PIGL: variants seen among roughly 807,000 people sequenced by gnomAD.
PIGL encodes N-acetylglucosaminyl-phosphatidylinositol de-N-acetylase.
A neutral mutation model predicts 31.1 loss-of-function variants in PIGL; 22 were observed. The ratio of observed to expected loss-of-function variants is 0.71; its 90% CI spans 0.51 to 1.01. The LOEUF is 1.01. Ranked by LOEUF, PIGL falls within the 50% of genes least tolerant of loss-of-function variation. PIGL has a pLI of 0.00. For synonymous variants in PIGL, 131 were observed against 117.4 expected (o/e 1.12, Z -0.75); for missense variants, 302 against 315.9 (o/e 0.96, Z 0.33).
At chr17:16,309,949 G>A (rs2093041840) in intron 3 of PIGL, among the ~76,000 whole-genome samples, 2 of 151,680 alleles carry the variant, frequency 1.3e-5, no homozygotes, top group South Asian at 2.1e-4. Context: ...ATGGTGGCAC[G>A]TACCTGTAGT....
intron 1 of PIGL, among the ~76,000 whole-genome samples, chr17:16,226,736 G>A (rs2092653834): frequency 6.6e-6 from 1 of 152,146 alleles, no homozygotes; most frequent in South Asian, 2.1e-4. Flanking sequence ...TCTGTCTAGG[G>A]CAAGTTTTTT....
chr17:16,223,809 C>T (rs1202811069), intron 1 of PIGL, among the ~76,000 whole-genome samples: 2 of 152,078 alleles, frequency 1.3e-5, no homozygotes, highest in African/African-American at 4.8e-5. Flanking sequence ...CAATTCAGCC[C>T]AGCCTTTCTT....
At chr17:16,237,685 A>G (rs943693462) in intron 2 of PIGL, among the ~76,000 whole-genome samples, 1 of 150,528 alleles carries the variant, frequency 6.6e-6, no homozygotes, top group Admixed American at 6.7e-5. Flanking sequence ...CGAAATCCCA[A>G]CTACTTGGGT....
chr17:16,318,475 T>G (rs2093088321), intron 6 of PIGL, among the ~76,000 whole-genome samples: 1 of 152,004 alleles, frequency 6.6e-6, no homozygotes, highest in Admixed American at 6.6e-5. Flanking sequence ...TTCATCATGT[T>G]GGCCAGGCTT....
chr17:16,252,818 A>G (rs928130689), intron 2 of PIGL, among the ~76,000 whole-genome samples: 4 of 152,200 alleles, frequency 2.6e-5, no homozygotes, highest in Non-Finnish European at 4.4e-5. Flanking sequence ...TAGTCTTCTC[A>G]TGGGCTTCTT....
chr17:16,292,131 T>A (rs144404678), intron 2 of PIGL, among the ~76,000 whole-genome samples: 1 of 147,306 alleles, frequency 6.8e-6, no homozygotes, highest in Non-Finnish European at 1.5e-5. Flanking sequence ...ATCTCCCAGG[T>A]TCAAGCGATC....
At chr17:16,307,475 C>T (rs1252749880) in intron 3 of PIGL, among the ~76,000 whole-genome samples, 1 of 152,216 alleles carries the variant, frequency 6.6e-6, no homozygotes, top group Admixed American at 6.5e-5. Context: ...AATAACTACA[C>T]CTAGCACAGT....
chr17:16,288,105 A>G (rs765542106), intron 2 of PIGL, among the ~76,000 whole-genome samples: 25 of 152,148 alleles, frequency 1.6e-4, no homozygotes, highest in Non-Finnish European at 2.9e-4. Flanking sequence ...TTTTGCATTT[A>G]TTTGATTCTT....
intron 2 of PIGL, among the ~76,000 whole-genome samples, chr17:16,254,594 G>T (rs529763991): frequency 2.6e-3 from 352 of 134,298 alleles, no homozygotes; most frequent in Middle Eastern, 8.4e-3. Context: ...TGTTTGTTTG[G>T]TTGGTTGTTT....
chr17:16,252,085 T>C (rs2092775049), intron 2 of PIGL, among the ~76,000 whole-genome samples: 1 of 151,430 alleles, frequency 6.6e-6, no homozygotes, highest in Non-Finnish European at 1.5e-5. Flanking sequence ...TTTTTCTTTT[T>C]TTTTGTTGAG....
At chr17:16,319,919 A>T (rs1354241642) in intron 6 of PIGL, among the ~76,000 whole-genome samples, 1 of 151,868 alleles carries the variant, frequency 6.6e-6, no homozygotes, top group Non-Finnish European at 1.5e-5. Flanking sequence ...GAGGAGAATT[A>T]TTCCTCAGTT....
intron 3 of PIGL, among the ~76,000 whole-genome samples, chr17:16,307,005 G>A (rs1482517756): frequency 6.6e-6 from 1 of 152,202 alleles, no homozygotes; most frequent in African/African-American, 2.4e-5. Flanking sequence ...AAACTTGGCA[G>A]TAAGAGCTTT....
chr17:16,227,484 C>T lies in PIGL; in HGVS notation c.236-6487C>T, dbSNP rs185954075. 3.3e-5 allele frequency among the ~76,000 whole-genome samples: 5 copies of T among 151,942 alleles called. No homozygotes were observed. The East Asian group carries it at 9.6e-4, about 29-fold the overall frequency. On this transcript the variant is annotated intron_variant, in intron 1 of 6. Coordinates refer to ENST00000225609, the MANE Select transcript of PIGL (RefSeq NM_004278.4). ...GGGAATAATGAGAAATGACACTACT[C>T]GCAAGTATGGCTATATTGGCTGATA...
intron 2 of PIGL, among the ~76,000 whole-genome samples, chr17:16,258,104 AG>A (rs2092803546): frequency 2.9e-5 from 3 of 102,960 alleles, no homozygotes; most frequent in Non-Finnish European, 4.0e-5. Context: ...AGAGAGAGAA[AG>A]AGAGAGAGAG....
intron 2 of PIGL, among the ~76,000 whole-genome samples, chr17:16,282,827 C>G (rs1032698274): frequency 1.6e-4 from 24 of 152,210 alleles, no homozygotes; most frequent in Non-Finnish European, 3.2e-4. Flanking sequence ...GGACTCAGCC[C>G]CTATTATGGG....
At chr17:16,265,149 GA>G (rs1337453087) in intron 2 of PIGL, among the ~76,000 whole-genome samples, 1 of 152,148 alleles carries the variant, frequency 6.6e-6, no homozygotes, top group Non-Finnish European at 1.5e-5. Context: ...TGAGGTAACA[GA>G]AAGGGATTTG....
At chr17:16,258,306 A>G (rs2092805543) in intron 2 of PIGL, among the ~76,000 whole-genome samples, 1 of 148,280 alleles carries the variant, frequency 6.7e-6, no homozygotes, top group African/African-American at 2.5e-5. Context: ...CTGCCTCCCA[A>G]GTAGCTGGGA....
intron 1 of PIGL, among the ~76,000 whole-genome samples, chr17:16,225,902 C>G (rs1290928193): frequency 6.6e-6 from 1 of 151,910 alleles, no homozygotes; most frequent in Non-Finnish European, 1.5e-5. Flanking sequence ...ATCTTTCCAG[C>G]CTGTGTGCTG....
intron 2 of PIGL, among the ~76,000 whole-genome samples, chr17:16,271,870 G>A (rs1281185646): frequency 6.6e-6 from 1 of 152,042 alleles, no homozygotes; most frequent in Non-Finnish European, 1.5e-5. Flanking sequence ...TTGTTTATCT[G>A]AAATTCAAAT....
Sources: allele counts gnomAD v4.1 joint callset (sites outside exome capture counted in the v4.1 genomes callset), GRCh38; gene constraint gnomAD v4.1.1; transcripts MANE v1.5; gene names NCBI Gene and HGNC (gene_info 2026-07-23, HGNC 2026-07-21).